Variants in CSMD3 observed in about 807,000 individuals in gnomAD.
The protein encoded by CSMD3 is CUB and sushi domain-containing protein 3.
A neutral mutation model predicts 435.2 loss-of-function variants in CSMD3; 177 were observed. The ratio of observed to expected loss-of-function variants is 0.41; its 90% CI spans 0.36 to 0.46. CSMD3 has a LOEUF of 0.46. CSMD3 is among the 20% of genes least tolerant of loss of function. The probability of loss-of-function intolerance (pLI) is 0.34; values close to 1 mark genes in which losing one functional copy is unlikely to be tolerated. For synonymous variants in CSMD3, 1,656 were observed against 1,520.5 expected (o/e 1.09, Z -2.07); for missense variants, 4,265 against 4,504.6 (o/e 0.95, Z 1.52).
chr8:112,287,125 G>T lies in CSMD3; in HGVS notation c.9270C>A (p.Gly3090=). The change falls in exon 58 of 71, where the codon GGC becomes GGA. Residue 3090 remains glycine (G), a synonymous_variant. Transcript: ENST00000297405. ...YACDTGYILH[G]SEERTCLANG... ...TAGCTAAACATGTTCTTTCTTCTGA[G>T]CCATGAAGGATGTAACCAGTATCAC... 1 of 1,613,706 alleles carries T rather than the reference G, an allele frequency of 6.2e-7. No individual in the cohort carries two copies.
At chr8:112,437,697 T>C (rs1320141367) in intron 32 of CSMD3, among the ~76,000 whole-genome samples, 1 of 152,118 alleles carries the variant, frequency 6.6e-6, no homozygotes, top group East Asian at 1.9e-4. Flanking sequence ...ATTTTAGTGC[T>C]CTTGAAAAAC....
chr8:112,500,777 T>G (rs1468896334), intron 30 of CSMD3, among the ~76,000 whole-genome samples: 1 of 152,108 alleles, frequency 6.6e-6, no homozygotes, highest in Admixed American at 6.6e-5. Flanking sequence ...GTTGTGCCCA[T>G]AGGAAAAGGC....
At position 112,568,243 on chromosome 8, in the gene CSMD3, T is replaced by G. The variant is rs144942187; in HGVS notation, c.4042+5258A>C. Among the ~76,000 whole-genome samples, 540 of 152,240 alleles carry G rather than the reference T, an allele frequency of 3.5e-3. 2 individuals are homozygous for G. The highest frequency in any genetic ancestry group is 0.012 in the African/African-American group (518 of 41,560). On this transcript the variant is annotated intron_variant, in intron 24 of 70. Transcript: ENST00000297405. ...AGAATATTTCCCCAAAAAGACTACA[T>G]GAGATTTTTCTTGACAACGCTAAAG...
chr8:113,127,704 C>A (rs2091174118), intron 4 of CSMD3, among the ~76,000 whole-genome samples: 1 of 152,030 alleles, frequency 6.6e-6, no homozygotes, highest in Non-Finnish European at 1.5e-5. Flanking sequence ...CCCTGTAGAG[C>A]AGAAAAATAA....
Position 112,228,823 on chromosome 8 carries a change from T to A in CSMD3, c.10897A>T (p.Ile3633Phe), listed in dbSNP as rs370445233. 9 of 1,590,722 alleles carry A rather than the reference T, an allele frequency of 5.7e-6. No homozygotes were observed. Among genetic ancestry groups the A allele is most frequent in the Non-Finnish European group, 7.8e-6 (9 of 1,159,362 alleles). The change falls in exon 70 of 71, where the codon ATT becomes TTT. Residue 3633 changes from isoleucine (I) to phenylalanine (F), a missense_variant. Ile to Phe is a conservative substitution (Grantham distance 21). Transcript: ENST00000297405. ...GCAAAAAAAGGCACAAGAATAGCAATGGCTACAGAACTACTATTTGTACCA... is the reference window on the plus strand; with the variant it reads ...GCAAAAAAAGGCACAAGAATAGCAAAGGCTACAGAACTACTATTTGTACCA... Reference protein sequence around the residue: ...PHGTNSSSVAIAILVPFFALI... With the variant: ...PHGTNSSSVAFAILVPFFALI...
At chr8:113,213,833 T>C (rs1325773182) in intron 3 of CSMD3, among the ~76,000 whole-genome samples, 4 of 152,116 alleles carry the variant, frequency 2.6e-5, no homozygotes. Flanking sequence ...ATTTCTTCAT[T>C]TTAAAATAGA....
At chr8:112,432,486 T>C (rs1813827880) in intron 32 of CSMD3, among the ~76,000 whole-genome samples, 1 of 152,014 alleles carries the variant, frequency 6.6e-6, no homozygotes, top group Non-Finnish European at 1.5e-5. Context: ...TATTTTATTT[T>C]ATTTTATCTA....
intron 35 of CSMD3, among the ~76,000 whole-genome samples, chr8:112,404,226 T>G (rs533407456): frequency 6.6e-6 from 1 of 152,240 alleles, no homozygotes; most frequent in African/African-American, 2.4e-5. Flanking sequence ...AGCAAATATA[T>G]TCTATAAAAA....
chr8:113,322,093 G>A (rs536330348), intron 1 of CSMD3, among the ~76,000 whole-genome samples: 1 of 152,200 alleles, frequency 6.6e-6, no homozygotes, highest in Admixed American at 6.5e-5. Flanking sequence ...TATGTTACCA[G>A]TAGGTATATC....
chr8:112,304,689 T>C (rs369111639), intron 52 of CSMD3, 32 bp downstream of exon 52: 1 of 1,515,516 alleles, frequency 6.6e-7, no homozygotes, highest in South Asian at 1.1e-5. Context: ...AAACATAGCT[T>C]ATGAAATAAG....
intron 1 of CSMD3, among the ~76,000 whole-genome samples, chr8:113,349,000 C>T (rs2094171671): frequency 1.3e-5 from 2 of 151,948 alleles, no homozygotes; most frequent in African/African-American, 2.4e-5. Context: ...TATGTATATA[C>T]ATACATATAT....
intron 11 of CSMD3, among the ~76,000 whole-genome samples, chr8:112,846,326 TTC>T (rs1656438072): frequency 6.7e-6 from 1 of 150,252 alleles, no homozygotes; most frequent in South Asian, 2.1e-4. Context: ...TTCCTTTCCT[TTC>T]TCTTTTTCTT....
At chr8:113,044,129 G>C (rs1052006618) in intron 5 of CSMD3, among the ~76,000 whole-genome samples, 7 of 151,916 alleles carry the variant, frequency 4.6e-5, no homozygotes, top group Non-Finnish European at 1.0e-4. Flanking sequence ...AATTCTTCTT[G>C]AAAAGATGAA....
chr8:113,202,618 A>C (rs1423126266), intron 3 of CSMD3, among the ~76,000 whole-genome samples: 22 of 152,120 alleles, frequency 1.4e-4, no homozygotes, highest in Admixed American at 1.4e-3. Flanking sequence ...TATTATCTGC[A>C]TTCTCAAAGA....
At chr8:112,883,449 T>C (rs933310061) in intron 10 of CSMD3, among the ~76,000 whole-genome samples, 4 of 151,990 alleles carry the variant, frequency 2.6e-5, no homozygotes, top group African/African-American at 9.7e-5. Context: ...ATTTCAGTGC[T>C]TCTAATTTAC....
intron 7 of CSMD3, among the ~76,000 whole-genome samples, chr8:112,969,400 A>T (rs1324758699): frequency 6.6e-6 from 1 of 152,010 alleles, no homozygotes; most frequent in African/African-American, 2.4e-5. Flanking sequence ...CTGTTAAACT[A>T]GAGTTTCTTT....
At chr8:112,831,587 CTAAT>C (rs1022406742) in intron 11 of CSMD3, among the ~76,000 whole-genome samples, 2 of 144,896 alleles carry the variant, frequency 1.4e-5, no homozygotes, top group Non-Finnish European at 1.5e-5. Context: ...TTCCTTAATA[CTAAT>C]TGAGTTACAT....
At chr8:112,491,832 C>A (rs1025548689) in intron 31 of CSMD3, among the ~76,000 whole-genome samples, 21 of 152,088 alleles carry the variant, frequency 1.4e-4, no homozygotes, top group African/African-American at 5.1e-4. Context: ...GGAAATCTGT[C>A]CTAGATGATA....
At position 112,966,165 on chromosome 8, in the gene CSMD3, G is replaced by T. The variant is rs1311685018; in HGVS notation, c.1342+9672C>A. Reference sequence around the variant, plus strand: ...TTCACTTTACCAATGTCAAAGTTCCGACATCCAAAATAAATAAATAAAATG... The same window carrying T: ...TTCACTTTACCAATGTCAAAGTTCCTACATCCAAAATAAATAAATAAAATG... On this transcript the variant is annotated intron_variant, in intron 7 of 70. Transcript: ENST00000297405. Among the ~76,000 whole-genome samples the T allele has an allele frequency of 6.6e-5, 10 of 151,456 alleles. No homozygotes were observed. In the East Asian group the frequency reaches 1.9e-3, roughly 29 times the overall value.
Sources: gnomAD v4.1 joint callset for allele counts (sites outside exome capture counted in the v4.1 genomes callset) on GRCh38, gnomAD v4.1.1 for gene constraint, MANE v1.5 for transcripts, NCBI Gene and HGNC (gene_info 2026-07-23, HGNC 2026-07-21) for gene names.